The following MTAP variants were observed in gnomAD, a reference collection of about 807,000 sequenced individuals.
MTAP encodes methylthioadenosine phosphorylase.
MTAP carries 33 observed loss-of-function variants against 33.6 expected under a neutral mutation model. The observed-to-expected ratio is 0.98, with a 90% confidence interval of 0.74 to 1.31. The LOEUF (loss-of-function observed/expected upper bound fraction) is 1.31. Among genes scored for constraint, MTAP ranks in the 40% most tolerant of loss-of-function variants. MTAP has a pLI of 0.00. For missense variants in MTAP, 367 were observed against 360.0 expected (o/e 1.02, Z -0.16); for synonymous variants, 148 against 125.7 (o/e 1.18, Z -1.19).
intron 6 of MTAP, chr9:21,858,882 T>C (rs1272535359): frequency 6.3e-6 from 1 of 157,668 alleles, no homozygotes; most frequent in Admixed American, 6.5e-5. Context: ...TCTGGACTGT[T>C]GTAACAAAAT....
At chr9:21,811,331 G>T (rs912124599) in intron 1 of MTAP, among the ~76,000 whole-genome samples, 1 of 152,214 alleles carries the variant, frequency 6.6e-6, no homozygotes. Flanking sequence ...GGGTTACTAT[G>T]CACCCTTTCC....
At chr9:21,829,519 G>T (rs1208358207) in intron 4 of MTAP, among the ~76,000 whole-genome samples, 3 of 150,628 alleles carry the variant, frequency 2.0e-5, no homozygotes, top group Admixed American at 6.6e-5. Context: ...GTGAGCCACT[G>T]TGCCTGGCCA....
chr9:21,850,086 A>G (rs1292669474), intron 5 of MTAP, among the ~76,000 whole-genome samples: 1 of 152,234 alleles, frequency 6.6e-6, no homozygotes. Context: ...AAGATATCAC[A>G]ATGGTCCATT....
chr9:21,932,815 T>C (rs1426569435), downstream of MTAP: 1 of 152,226 alleles, frequency 6.6e-6, no homozygotes, highest in African/African-American at 2.4e-5. Context: ...CCTTGATAAA[T>C]GATAAATCAG....
intron 5 of MTAP, among the ~76,000 whole-genome samples, chr9:21,851,015 C>T (rs1248916022): frequency 6.6e-6 from 1 of 152,146 alleles, no homozygotes; most frequent in Non-Finnish European, 1.5e-5. Context: ...AATCAGTCTA[C>T]TACTCCACAA....
chr9:21,824,600 C>G (rs1180719846), intron 4 of MTAP, among the ~76,000 whole-genome samples: 1 of 152,206 alleles, frequency 6.6e-6, no homozygotes, highest in Non-Finnish European at 1.5e-5. Flanking sequence ...AAACTCTGTG[C>G]TGGGAGAACC....
At chr9:21,827,986 A>C (rs2118197588) in intron 4 of MTAP, among the ~76,000 whole-genome samples, 1 of 152,340 alleles carries the variant, frequency 6.6e-6, no homozygotes, top group South Asian at 2.1e-4. Context: ...TGTTACTTAA[A>C]CAGTATGACT....
At chr9:21,821,156 A>C (rs1310682910) in intron 4 of MTAP, among the ~76,000 whole-genome samples, 4 of 152,218 alleles carry the variant, frequency 2.6e-5, no homozygotes, top group Admixed American at 2.6e-4. Flanking sequence ...AACTTCCAGC[A>C]CTGTGTTGAA....
At chr9:21,859,728 C>T (rs1825716245) in intron 7 of MTAP, 1 of 211,238 alleles carries the variant, frequency 4.7e-6, no homozygotes, top group Admixed American at 5.9e-5. Context: ...ATTGATAGTG[C>T]TTTCTCTGCA....
At chr9:21,841,077 C>T (rs934805678) in intron 5 of MTAP, among the ~76,000 whole-genome samples, 2 of 152,176 alleles carry the variant, frequency 1.3e-5, no homozygotes, top group African/African-American at 4.8e-5. Context: ...CCCCAATTTC[C>T]CACAGTGTCT....
chr9:21,926,324 C>A (rs528029347), intron 1 of MTAP, among the ~76,000 whole-genome samples: 47 of 150,250 alleles, frequency 3.1e-4, no homozygotes, highest in African/African-American at 9.9e-4. Flanking sequence ...TATGTAACAC[C>A]CCTGTCTTAC....
chr9:21,888,801 A>AT (rs1390054850), intron 1 of MTAP, among the ~76,000 whole-genome samples: 2 of 152,166 alleles, frequency 1.3e-5, no homozygotes, highest in Non-Finnish European at 2.9e-5. Context: ...CACCCAGGAA[A>AT]TTCGTCGCAA....
intron 1 of MTAP, among the ~76,000 whole-genome samples, chr9:21,896,144 C>T (rs915130379): frequency 6.6e-6 from 1 of 152,164 alleles, no homozygotes; most frequent in African/African-American, 2.4e-5. Flanking sequence ...AACTGAACAA[C>T]CTGCTCCTGA....
intron 1 of MTAP, among the ~76,000 whole-genome samples, chr9:21,905,339 G>T (rs1360057158): frequency 1.3e-5 from 2 of 152,086 alleles, no homozygotes; most frequent in Admixed American, 6.6e-5. Context: ...GGTTTCGGGG[G>T]TTTTTACAGG....
At chr9:21,915,642 A>G (rs778277087) in intron 1 of MTAP, among the ~76,000 whole-genome samples, 1 of 152,180 alleles carries the variant, frequency 6.6e-6, no homozygotes, top group Non-Finnish European at 1.5e-5. Context: ...ACTTATTTCA[A>G]TAAGTATAAA....
chr9:21,901,963 A>G (rs1587285814), intron 1 of MTAP, among the ~76,000 whole-genome samples: 1 of 152,242 alleles, frequency 6.6e-6, no homozygotes, highest in East Asian at 1.9e-4. Context: ...TACAGTGTTC[A>G]AAAGTAGAAA....
At chr9:21,930,643 T>C in intron 1 of MTAP, 2 of 444,586 alleles carry the variant, frequency 4.5e-6, no homozygotes, top group South Asian at 7.1e-5. Flanking sequence ...ATATCATGGC[T>C]AAAACCTCAA....
chr9:21,846,963 G>A (rs533509443), intron 5 of MTAP, among the ~76,000 whole-genome samples: 1 of 152,262 alleles, frequency 6.6e-6, no homozygotes, highest in Non-Finnish European at 1.5e-5. Flanking sequence ...TGTCTGTGAG[G>A]GTGTTGCCAA....
At chr9:21,881,586 C>T (rs74845971) in intron 1 of MTAP, among the ~76,000 whole-genome samples, 3,084 of 152,082 alleles carry the variant, frequency 0.02, 104 homozygotes, top group African/African-American at 0.068. Flanking sequence ...CTTGAATAGA[C>T]ATTTTTTCAA....
Sources: allele counts gnomAD v4.1 joint callset (sites outside exome capture counted in the v4.1 genomes callset), GRCh38; gene constraint gnomAD v4.1.1; transcripts MANE v1.5; gene names NCBI Gene and HGNC (gene_info 2026-07-23, HGNC 2026-07-21).